The following OC90 variants were observed in gnomAD, a reference collection of about 807,000 sequenced individuals.
The protein encoded by OC90 is otoconin-90.
Under a neutral mutation model 47.3 loss-of-function variants are expected in OC90, and 46 were observed. The observed-to-expected ratio is 0.97, with a 90% CI of 0.77 to 1.24. The LOEUF is 1.24. OC90 is among the 50% of genes most tolerant of loss of function. OC90 has a pLI of 0.00. For missense variants in OC90, 688 were observed against 583.9 expected (o/e 1.18, Z -1.84); for synonymous variants, 271 against 219.5 (o/e 1.23, Z -2.07).
chr8:132,050,907 T>C (rs1329592837), intron 2 of OC90, among the ~76,000 whole-genome samples: 1 of 152,062 alleles, frequency 6.6e-6, no homozygotes, highest in African/African-American at 2.4e-5. Context: ...GGCAGGAGAA[T>C]TGCTTGAGCC....
chr8:132,038,999 A>T lies in OC90; in HGVS notation c.582T>A (p.Thr194=). Residue 194 remains threonine (T), a synonymous_variant, in exon 7 of 14, where the codon ACT becomes ACA. Coordinates refer to ENST00000254627, the MANE Select transcript of OC90 (RefSeq NM_001080399.3). The part of the protein sequence containing the change: ...LLDTSFCLAQ[T]PETTIKEDLT... ...ATGCAGCCAGGTTCTTCCTACCTGG[A>T]GTCTGAGCCAGGCAGAAGGAGGTGT... 1 of 1,613,932 alleles carries T rather than the reference A, an allele frequency of 6.2e-7. No homozygotes were observed.
intron 2 of OC90, among the ~76,000 whole-genome samples, chr8:132,050,750 C>T (rs1479053674): frequency 6.6e-6 from 1 of 152,126 alleles, no homozygotes. Context: ...ACTGTAATCC[C>T]AGCACTTTGG....
chr8:132,041,505 C>T lies in OC90; in HGVS notation c.344+20G>A, dbSNP rs749877179. On this transcript the variant is annotated intron_variant, in intron 5 of 13. Transcript: ENST00000254627. Reference sequence around the variant, plus strand: ...TGAGCTCACTTTTTTTGGTCTTGCTCACCTGTGGAACTCACTTACCTGTCA... The same window carrying T: ...TGAGCTCACTTTTTTTGGTCTTGCTTACCTGTGGAACTCACTTACCTGTCA... The T allele has an allele frequency of 4.4e-6, 7 of 1,597,534 alleles. No individual in the cohort carries two copies. The highest frequency in any genetic ancestry group is 2.3e-5 in the South Asian group (2 of 88,352).
chr8:132,031,346 G>A (rs1287446562), intron 12 of OC90, among the ~76,000 whole-genome samples: 1 of 152,180 alleles, frequency 6.6e-6, no homozygotes, highest in African/African-American at 2.4e-5. Context: ...TTAAACGAAT[G>A]AATACATTAA....
chr8:132,041,247 AT>A, intron 5 of OC90, 91 bp from the exon 6 acceptor site: 1 of 811,470 alleles, frequency 1.2e-6, no homozygotes, highest in Non-Finnish European at 2.1e-6. Flanking sequence ...CTCTGGATGG[AT>A]CCTGGCAGTG....
At chr8:132,028,567 G>GAAAGAAAGAAAGAAAGA (rs1157447594) in intron 13 of OC90, among the ~76,000 whole-genome samples, 61 of 12,978 alleles carry the variant, frequency 4.7e-3, no homozygotes, top group African/African-American at 9.5e-3. Context: ...AGAAAGAAAG[G>GAAAGAAAGAAAGAAAGA]AAGGAAGGAA....
intron 10 of OC90, among the ~76,000 whole-genome samples, chr8:132,034,237 G>A (rs540391610): frequency 6.6e-6 from 1 of 152,260 alleles, no homozygotes; most frequent in Admixed American, 6.5e-5. Context: ...ACATAACCCT[G>A]GGCAAATCAC....
chr8:132,039,377 A>G (rs941414156), intron 6 of OC90, among the ~76,000 whole-genome samples: 2 of 152,066 alleles, frequency 1.3e-5, no homozygotes, highest in African/African-American at 4.8e-5. Flanking sequence ...GTCTGACCAC[A>G]TCTCCACACC....
chr8:132,054,686 A>G (rs763996231), intron 2 of OC90, among the ~76,000 whole-genome samples: 1 of 152,260 alleles, frequency 6.6e-6, no homozygotes, highest in Non-Finnish European at 1.5e-5. Flanking sequence ...AGGTGTTAAC[A>G]TTGGAGAATA....
chr8:132,029,022 G>A (rs908930166), intron 13 of OC90, 51 bp downstream of exon 13: 17 of 1,265,208 alleles, frequency 1.3e-5, no homozygotes, highest in Non-Finnish European at 1.9e-5. Context: ...CTACAGTCAC[G>A]ATGCTGACCT....
chr8:132,029,321 T>G, intron 12 of OC90, 142 bp from the exon 13 acceptor site: 1 of 659,838 alleles, frequency 1.5e-6, no homozygotes, highest in Admixed American at 2.5e-5. Flanking sequence ...GGCTGACTCA[T>G]ATACACACCA....
chr8:132,030,627 G>T (rs1822859598), intron 12 of OC90, among the ~76,000 whole-genome samples: 1 of 152,212 alleles, frequency 6.6e-6, no homozygotes, highest in Non-Finnish European at 1.5e-5. Context: ...CAGCAGGCAT[G>T]CGGTTGAACC....
At chr8:132,028,928 GGGAA>G (rs766193601) in intron 13 of OC90, 141 bp downstream of exon 13, 8,719 of 488,816 alleles carry the variant, frequency 0.018, 672 homozygotes, top group African/African-American at 0.18. Flanking sequence ...AAGGAAGGAA[GGGAA>G]GGAAGGAAGG....
intron 13 of OC90, among the ~76,000 whole-genome samples, chr8:132,028,678 GAA>G (rs1237244603): frequency 1.4e-3 from 92 of 65,532 alleles, no homozygotes; most frequent in African/African-American, 5.3e-3. Flanking sequence ...GAGACAGAAA[GAA>G]AGAAAGAGAA....
At chr8:132,044,971 T>C (rs1162686551) in intron 3 of OC90, among the ~76,000 whole-genome samples, 3 of 152,236 alleles carry the variant, frequency 2.0e-5, no homozygotes, top group African/African-American at 7.2e-5. Flanking sequence ...TTGTTTGTTA[T>C]CTGGGATCCC....
At chr8:132,043,535 T>G (rs1823085035) in intron 4 of OC90, among the ~76,000 whole-genome samples, 1 of 152,218 alleles carries the variant, frequency 6.6e-6, no homozygotes, top group Non-Finnish European at 1.5e-5. Context: ...AGAGGATCCT[T>G]GAGTGCTGCA....
At chr8:132,041,767 T>C (rs1209645126) in intron 4 of OC90, 68 bp from the exon 5 acceptor site, 5 of 911,274 alleles carry the variant, frequency 5.5e-6, no homozygotes, top group Middle Eastern at 2.7e-4. Context: ...CCCTGTCCCC[T>C]GGACTTCCTA....
chr8:132,050,255 A>G (rs1248232625), intron 2 of OC90, among the ~76,000 whole-genome samples: 3 of 152,184 alleles, frequency 2.0e-5, no homozygotes, highest in Non-Finnish European at 4.4e-5. Flanking sequence ...GGAGGAGGAT[A>G]TCAATGATGT....
intron 13 of OC90, among the ~76,000 whole-genome samples, chr8:132,028,722 A>G (rs917710028): frequency 6.9e-6 from 1 of 145,400 alleles, no homozygotes; most frequent in Non-Finnish European, 1.5e-5. Flanking sequence ...GAAAGAAAGA[A>G]AGAGAAAGAA....
Sources: allele counts gnomAD v4.1 joint callset (sites outside exome capture counted in the v4.1 genomes callset), GRCh38; gene constraint gnomAD v4.1.1; transcripts MANE v1.5; gene names NCBI Gene and HGNC (gene_info 2026-07-23, HGNC 2026-07-21).